CACNB1: variants seen among roughly 807,000 people sequenced by gnomAD.
CACNB1 encodes calcium voltage-gated channel auxiliary subunit beta 1, also known as voltage-dependent L-type calcium channel subunit beta-1.
CACNB1 carries 29 observed loss-of-function variants against 71.6 expected under a neutral mutation model. The ratio of observed to expected loss-of-function variants is 0.40; its 90% CI spans 0.30 to 0.55. CACNB1 has a LOEUF of 0.55. Among genes scored for constraint, CACNB1 ranks in the 20% least tolerant of loss-of-function variants. CACNB1 has a pLI of 0.38. For synonymous variants in CACNB1, 300 were observed against 319.6 expected, an observed-to-expected ratio of 0.94 and a Z score of 0.65; for missense variants, 623 against 801.8, an observed-to-expected ratio of 0.78 and a Z score of 2.69.
chr17:39,191,383 A>T (rs2046076919), intron 3 of CACNB1, 91 bp downstream of exon 3: 1 of 1,364,866 alleles, frequency 7.3e-7, no homozygotes, highest in Non-Finnish European at 9.9e-7. Flanking sequence ...TGGCTGGGTC[A>T]AGACTTGGCC....
chr17:39,174,658 G>GC lies in CACNB1; in HGVS notation c.*534dup, dbSNP rs1481690256. On this transcript the variant is annotated 3_prime_UTR_variant, in exon 14 of 14. Transcript: ENST00000394303. ...GACAAGCTCCCCATGGGGTGTCCAT[G>GC]CTATGGCTTTCACCGACCAGACGAT... 18 of 154,614 alleles carry GC rather than the reference G, an allele frequency of 1.2e-4. No homozygotes were observed. Among genetic ancestry groups the GC allele is most frequent in the Admixed American group, 1.0e-3 (16 of 15,592 alleles). 9.6% of individuals were successfully genotyped at this position (154,614 alleles called of 1,614,324 possible).
chr17:39,177,138 C>A (rs1195386822), intron 13 of CACNB1: 22 of 1,428,894 alleles, frequency 1.5e-5, no homozygotes, highest in Non-Finnish European at 2.0e-5. Flanking sequence ...CCAGAAGCTG[C>A]CGCTCATCTT....
At position 39,180,555 on chromosome 17, in the gene CACNB1, T is replaced by C. The variant is rs1489239555; in HGVS notation, c.1051-2476A>G. 2.0e-5 allele frequency among the ~76,000 whole-genome samples: 3 copies of C among 150,972 alleles called. No homozygotes were observed. The East Asian group carries it at 5.9e-4, about 30-fold the overall frequency. ...CTGTAATACCAGCTACTTGGGAGGC[T>C]GAGGCAGGAGAATCACTTGAACCTG... is the stretch of plus-strand genomic sequence containing the variant. On this transcript the variant is annotated intron_variant, in intron 11 of 13. Transcript: ENST00000394303.
intron 3 of CACNB1, 143 bp downstream of exon 3, chr17:39,191,331 C>T: frequency 7.5e-6 from 5 of 665,026 alleles, no homozygotes; most frequent in Non-Finnish European, 7.5e-6. Context: ...CCACATTGTG[C>T]AGGTGAAGGA....
At chr17:39,179,322 C>A (rs1212161298) in intron 11 of CACNB1, among the ~76,000 whole-genome samples, 2 of 144,508 alleles carry the variant, frequency 1.4e-5, no homozygotes, top group Non-Finnish European at 3.0e-5. Flanking sequence ...GGTGCAGTGG[C>A]TCATGCCTAT....
intron 13 of CACNB1, among the ~76,000 whole-genome samples, chr17:39,176,633 A>G (rs1035896531): frequency 6.6e-6 from 1 of 152,160 alleles, no homozygotes; most frequent in Non-Finnish European, 1.5e-5. Context: ...GTTGCTGAAA[A>G]CAAATTTGAA....
chr17:39,182,985 C>T (rs1367233364), intron 11 of CACNB1: 7 of 982,808 alleles, frequency 7.1e-6, no homozygotes, highest in Non-Finnish European at 8.5e-6. Context: ...ACTCTTCCTC[C>T]GTGTTTCTCA....
chr17:39,184,846 A>AG lies in CACNB1; in HGVS notation c.666dup (p.Tyr223LeufsTer2). On this transcript the variant is annotated frameshift_variant, in exon 8 of 14. Transcript: ENST00000394303. LOFTEE classifies it high-confidence loss of function. ...GGCCTCATGGAAGGCACCACGTCAT[A>AG]GGGGGGCACATGCTCTGTCTGGGGG... is the stretch of plus-strand genomic sequence containing the variant. The AG allele has an allele frequency of 6.5e-7, 1 of 1,544,190 alleles. No individual in the cohort carries two copies. Among genetic ancestry groups the AG allele is most frequent in the Non-Finnish European group, 8.9e-7 (1 of 1,118,618 alleles).
chr17:39,188,272 G>C (rs1028976903), intron 3 of CACNB1, among the ~76,000 whole-genome samples: 2 of 151,368 alleles, frequency 1.3e-5, no homozygotes, highest in Non-Finnish European at 2.9e-5. Flanking sequence ...GACGGAGCAA[G>C]ACTCTGTCTA....
Position 39,186,004 on chromosome 17 carries a change from A to T in CACNB1, c.628+492T>A. On this transcript the variant is annotated intron_variant, in intron 6 of 13. Transcript: ENST00000394303. The surrounding 1 kb of genome is among the most constrained non-coding windows in gnomAD (Gnocchi z 4.1). ...GGGGTGGCGGGGTGGTGACACTGCT[A>T]ACACTAGTCTTGGCAGAGCCACTCT... is the stretch of plus-strand genomic sequence containing the variant. 2 of 1,613,784 alleles carry T rather than the reference A, an allele frequency of 1.2e-6. No individual in the cohort carries two copies. Among genetic ancestry groups the T allele is most frequent in the Non-Finnish European group, 1.7e-6 (2 of 1,179,920 alleles).
Position 39,185,066 on chromosome 17 carries a change from T to C in CACNB1, c.648+65A>G, listed in dbSNP as rs2045899315. On this transcript the variant is annotated intron_variant, in intron 7 of 13. Transcript: ENST00000394303. The stretch of plus-strand genomic sequence containing the variant: ...TGGGGGACAGATGTGGGAATGGGTG[T>C]TAGAAGGTCCCCCTAGCTCATCCCA... 3 of 1,473,198 alleles carry C rather than the reference T, an allele frequency of 2.0e-6. No individual in the cohort carries two copies. In the South Asian group the frequency reaches 3.4e-5, roughly 17 times the overall value. The allele number at this position is 1,473,198 out of a possible 1,614,324, so 91.3% of individuals were successfully genotyped here.
intron 2 of CACNB1, chr17:39,193,793 A>G: frequency 5.1e-6 from 1 of 197,806 alleles, no homozygotes; most frequent in South Asian, 6.7e-5. Context: ...AGCCCTGGCC[A>G]TGTCCTGCAA....
chr17:39,178,309 C>T lies in CACNB1; in HGVS notation c.1051-230G>A, dbSNP rs2045642713. 9.8e-6 allele frequency: 4 copies of T among 408,690 alleles called. No homozygotes were observed. The South Asian group carries it at 1.1e-4, about 12-fold the overall frequency. 25.3% of individuals were successfully genotyped at this position (408,690 alleles called of 1,614,324 possible). A position where few individuals can be genotyped will look rare whatever the true frequency, so the allele number is the denominator to read the frequency against. ...GTGTTATGCCAGCCTTCCTTAGGGGCTATATGAAGGGCAGTGATTCTCCTT... is the reference window on the plus strand; with the variant it reads ...GTGTTATGCCAGCCTTCCTTAGGGGTTATATGAAGGGCAGTGATTCTCCTT... On this transcript the variant is annotated intron_variant, in intron 11 of 13. Transcript: ENST00000394303.
In CACNB1 at chr17:39,194,690, C is replaced by G. The variant is rs950785966; in HGVS notation, c.171+194G>C. On this transcript the variant is annotated intron_variant, in intron 2 of 13. Coordinates refer to ENST00000394303, the MANE Select transcript of CACNB1 (RefSeq NM_000723.5). The surrounding 1 kb of genome is among the most constrained non-coding windows in gnomAD (Gnocchi z 4.6). ...TGCTGGGGGAGGGGCCGGGCAGGGGCGGGGGCTGAGCGAGTGGGTGCCGCT... is the reference window on the plus strand; with the variant it reads ...TGCTGGGGGAGGGGCCGGGCAGGGGGGGGGGCTGAGCGAGTGGGTGCCGCT... Among the ~76,000 whole-genome samples, 1 of 147,570 alleles carries G rather than the reference C, an allele frequency of 6.8e-6. No homozygotes were observed. Among genetic ancestry groups the G allele is most frequent in the Non-Finnish European group, 1.5e-5 (1 of 66,878 alleles).
chr17:39,179,941 G>A (rs1385998441), intron 11 of CACNB1, among the ~76,000 whole-genome samples: 1 of 151,290 alleles, frequency 6.6e-6, no homozygotes, highest in Non-Finnish European at 1.5e-5. Context: ...TCCTGGGTTG[G>A]TTCCTGGATT....
chr17:39,197,572 G>A lies in CACNB1; in HGVS notation c.-77C>T. The stretch of plus-strand genomic sequence containing the variant: ...GCGCATGGGAGAGGCCGTGGGAGCC[G>A]AAAGCAGCGCGGCGCAGCCAGCACC... On this transcript the variant is annotated 5_prime_UTR_variant, in exon 1 of 14. Coordinates refer to ENST00000394303, the MANE Select transcript of CACNB1 (RefSeq NM_000723.5). 1.7e-6 allele frequency: 2 copies of A among 1,157,052 alleles called. No homozygotes were observed. Among genetic ancestry groups the A allele is most frequent in the South Asian group, 1.5e-5 (1 of 64,564 alleles). 71.7% of individuals were successfully genotyped at this position (1,157,052 alleles called of 1,614,324 possible).
chr17:39,185,202 AC>A, intron 6 of CACNB1, 52 bp from the exon 7 acceptor site: 1 of 1,481,764 alleles, frequency 6.7e-7, no homozygotes, highest in Non-Finnish European at 9.4e-7. Flanking sequence ...AGGGAAGGGG[AC>A]CCAGGCAGGG....
chr17:39,177,115 A>G lies in CACNB1; in HGVS notation c.1332+235T>C, dbSNP rs543556464. 1.1e-4 allele frequency: 163 copies of G among 1,425,690 alleles called. No homozygotes were observed. The African/African-American group carries it at 2.2e-3, about 19-fold the overall frequency. The allele number at this position is 1,425,690 out of a possible 1,614,324, so 88.3% of individuals were successfully genotyped here. On this transcript the variant is annotated intron_variant, in intron 13 of 13. Transcript: ENST00000394303. Reference sequence around the variant, plus strand: ...AGCACCAGAAGCCCCAGACCCATCAAAAACCACAGACACCAGAAGCTGCCG... The same window carrying G: ...AGCACCAGAAGCCCCAGACCCATCAGAAACCACAGACACCAGAAGCTGCCG...
intron 11 of CACNB1, among the ~76,000 whole-genome samples, chr17:39,179,298 A>C (rs909503751): frequency 6.7e-6 from 1 of 150,066 alleles, no homozygotes; most frequent in African/African-American, 2.5e-5. Flanking sequence ...AAAAAAAAAA[A>C]AAAAAGAGGG....
Sources: gnomAD v4.1 joint callset for allele counts (sites outside exome capture counted in the v4.1 genomes callset) on GRCh38, gnomAD v4.1.1 for gene constraint, Gnocchi (gnomAD v3.1) non-coding constraint, MANE v1.5 for transcripts, NCBI Gene and HGNC (gene_info 2026-07-23, HGNC 2026-07-21) for gene names.